Variants in PKIB observed in about 807,000 individuals in gnomAD.
The protein encoded by PKIB is PKI-beta.
Under a neutral mutation model 4.5 loss-of-function variants are expected in PKIB, and 2 were observed. That is an observed-to-expected ratio of 0.44 (90% CI 0.18 to 1.39). The LOEUF (loss-of-function observed/expected upper bound fraction) is 1.39. Among genes scored for constraint, PKIB ranks in the 40% most tolerant of loss-of-function variants. The probability of loss-of-function intolerance (pLI) is 0.27; values close to 1 mark genes in which losing one functional copy is unlikely to be tolerated. For synonymous variants in PKIB, 38 were observed against 36.0 expected (o/e 1.06, Z -0.20); for missense variants, 94 against 92.6 (o/e 1.02, Z -0.06).
At chr6:122,558,331 G>A (rs1772909444) in intron 2 of PKIB, among the ~76,000 whole-genome samples, 1 of 152,146 alleles carries the variant, frequency 6.6e-6, no homozygotes. Flanking sequence ...AGTGGATTAA[G>A]AATATTCTTT....
intron 2 of PKIB, among the ~76,000 whole-genome samples, chr6:122,663,436 T>C (rs1176927747): frequency 2.0e-5 from 3 of 152,122 alleles, no homozygotes; most frequent in African/African-American, 7.2e-5. Flanking sequence ...TGTCCCAAAA[T>C]GGCTGCCACA....
chr6:122,589,775 A>T (rs1773963220), intron 3 of PKIB, among the ~76,000 whole-genome samples: 1 of 152,162 alleles, frequency 6.6e-6, no homozygotes. Context: ...GAAAAAGAAA[A>T]TAACAAAGAA....
chr6:122,650,601 G>T (rs1300160001), intron 2 of PKIB, among the ~76,000 whole-genome samples: 2 of 152,068 alleles, frequency 1.3e-5, no homozygotes, highest in East Asian at 1.9e-4. Context: ...GATGATTAAG[G>T]CTGCCTGGGA....
At chr6:122,687,569 G>A (rs571662554) in intron 3 of PKIB, among the ~76,000 whole-genome samples, 41 of 152,116 alleles carry the variant, frequency 2.7e-4, no homozygotes, top group African/African-American at 9.9e-4. Flanking sequence ...TAATATGGAC[G>A]TTTTAACATT....
intron 2 of PKIB, among the ~76,000 whole-genome samples, chr6:122,649,416 TATC>T (rs1184718926): frequency 1.3e-5 from 2 of 152,184 alleles, no homozygotes; most frequent in Non-Finnish European, 2.9e-5. Context: ...GGCATTGGCA[TATC>T]ATGCAAGACC....
intron 2 of PKIB, among the ~76,000 whole-genome samples, chr6:122,487,528 T>TAAG (rs981037307): frequency 6.6e-6 from 1 of 152,160 alleles, no homozygotes; most frequent in African/African-American, 2.4e-5. Flanking sequence ...TTTATGCTCT[T>TAAG]ATAAAAGAGA....
chr6:122,573,416 C>T (rs906438672), intron 2 of PKIB, among the ~76,000 whole-genome samples: 8 of 149,768 alleles, frequency 5.3e-5, no homozygotes, highest in Admixed American at 2.0e-4. Context: ...CAGGTACTCG[C>T]GAGGCTGAGG....
intron 1 of PKIB, among the ~76,000 whole-genome samples, chr6:122,621,763 G>A (rs1775238257): frequency 6.6e-6 from 1 of 152,222 alleles, no homozygotes; most frequent in Admixed American, 6.5e-5. Flanking sequence ...AAATAGATTG[G>A]ACTTGATTGA....
At chr6:122,502,073 C>A (rs1279943587) in intron 2 of PKIB, among the ~76,000 whole-genome samples, 3 of 151,852 alleles carry the variant, frequency 2.0e-5, no homozygotes, top group African/African-American at 7.3e-5. Flanking sequence ...TTGCCTCAGC[C>A]TCCCAAGTAG....
intron 1 of PKIB, among the ~76,000 whole-genome samples, chr6:122,624,858 G>T (rs1775374152): frequency 6.6e-6 from 1 of 152,166 alleles, no homozygotes; most frequent in Admixed American, 6.5e-5. Context: ...GGACTAAAAT[G>T]CAAGGTGTCT....
At chr6:122,535,318 T>C (rs1170175811) in intron 2 of PKIB, among the ~76,000 whole-genome samples, 1 of 152,208 alleles carries the variant, frequency 6.6e-6, no homozygotes, top group Non-Finnish European at 1.5e-5. Context: ...AGTAAATCAC[T>C]GGCTGCTCTC....
chr6:122,571,516 T>C (rs997212239), intron 2 of PKIB, among the ~76,000 whole-genome samples: 13 of 152,170 alleles, frequency 8.5e-5, no homozygotes, highest in Non-Finnish European at 2.9e-5. Context: ...TCAGGTAACC[T>C]ATAAAAGAAA....
chr6:122,570,411 C>T (rs1284810442), intron 2 of PKIB, among the ~76,000 whole-genome samples: 1 of 152,184 alleles, frequency 6.6e-6, no homozygotes, highest in Non-Finnish European at 1.5e-5. Flanking sequence ...CCAGGGATAA[C>T]TCCCCTACTA....
At chr6:122,706,280 TATATC>T (rs1779053034) in intron 3 of PKIB, among the ~76,000 whole-genome samples, 1 of 152,318 alleles carries the variant, frequency 6.6e-6, no homozygotes, top group South Asian at 2.1e-4. Context: ...CTTATTTGAA[TATATC>T]ATATATTTAC....
At chr6:122,678,029 TC>T (rs1441833864) in intron 3 of PKIB, among the ~76,000 whole-genome samples, 1 of 152,064 alleles carries the variant, frequency 6.6e-6, no homozygotes, top group Non-Finnish European at 1.5e-5. Flanking sequence ...TGCCTCTGCC[TC>T]CCTAGTAGCT....
intron 2 of PKIB, among the ~76,000 whole-genome samples, chr6:122,574,992 T>A: frequency 6.6e-6 from 1 of 152,078 alleles, no homozygotes. Context: ...ATTTGCAAAC[T>A]ATGCATCTGA....
At chr6:122,496,613 C>G (rs1776082995) in intron 2 of PKIB, among the ~76,000 whole-genome samples, 1 of 151,900 alleles carries the variant, frequency 6.6e-6, no homozygotes, top group African/African-American at 2.4e-5. Context: ...TAGACTAAAC[C>G]AAAGAGAAGA....
At chr6:122,570,290 C>T (rs1158168836) in intron 2 of PKIB, among the ~76,000 whole-genome samples, 7 of 152,098 alleles carry the variant, frequency 4.6e-5, no homozygotes, top group Non-Finnish European at 1.5e-5. Flanking sequence ...CCTGATAAAA[C>T]CTCTGTACAT....
At chr6:122,547,804 G>C (rs991402325) in intron 2 of PKIB, among the ~76,000 whole-genome samples, 1 of 152,136 alleles carries the variant, frequency 6.6e-6, no homozygotes, top group African/African-American at 2.4e-5. Context: ...AACAATAGTG[G>C]CTCCGAGCCA....
Sources: allele counts gnomAD v4.1 joint callset (sites outside exome capture counted in the v4.1 genomes callset), GRCh38; gene constraint gnomAD v4.1.1; transcripts MANE v1.5; gene names NCBI Gene and HGNC (gene_info 2026-07-23, HGNC 2026-07-21).